Variants in GABRB1 observed in about 807,000 individuals in gnomAD.
The protein encoded by GABRB1 is gamma-aminobutyric acid receptor subunit beta-1.
In GABRB1, 17 loss-of-function variants were observed where a neutral mutation model predicts 51.6. That is an observed-to-expected ratio of 0.33 (90% CI 0.23 to 0.49). The LOEUF (loss-of-function observed/expected upper bound fraction) is 0.49. GABRB1 is among the 20% of genes least tolerant of loss of function. The probability of loss-of-function intolerance (pLI) is 0.99; values close to 1 mark genes in which losing one functional copy is unlikely to be tolerated. For synonymous variants in GABRB1, 247 were observed against 218.9 expected, an observed-to-expected ratio of 1.13 and a Z score of -1.14; for missense variants, 410 against 600.6, an observed-to-expected ratio of 0.68 and a Z score of 3.32.
chr4:47,345,099 C>G (rs1726042032), intron 5 of GABRB1, among the ~76,000 whole-genome samples: 1 of 152,186 alleles, frequency 6.6e-6, no homozygotes, highest in Non-Finnish European at 1.5e-5. Context: ...CTATTAAAAT[C>G]TATGTCTAAT....
chr4:47,032,165 G>C (rs1276543062), intron 2 of GABRB1, among the ~76,000 whole-genome samples, 160 bp downstream of exon 2: 1 of 90,182 alleles, frequency 1.1e-5, no homozygotes, highest in East Asian at 4.0e-4. Context: ...CACACACCCC[G>C]GGTCCCCAGT....
At chr4:47,155,289 C>CAGCT (rs1717640942) in intron 3 of GABRB1, among the ~76,000 whole-genome samples, 1 of 151,990 alleles carries the variant, frequency 6.6e-6, no homozygotes, top group Non-Finnish European at 1.5e-5. Context: ...TCTCAGAGCT[C>CAGCT]AGCTAAACTG....
At chr4:47,328,813 T>C (rs1037905145) in intron 5 of GABRB1, among the ~76,000 whole-genome samples, 6 of 151,896 alleles carry the variant, frequency 4.0e-5, no homozygotes, top group Non-Finnish European at 8.8e-5. Flanking sequence ...ATATACCTAA[T>C]GTTAAATGAC....
At chr4:47,243,291 C>G (rs1301802666) in intron 4 of GABRB1, among the ~76,000 whole-genome samples, 3 of 152,142 alleles carry the variant, frequency 2.0e-5, no homozygotes, top group Non-Finnish European at 2.9e-5. Flanking sequence ...TTACTGTAGG[C>G]TTGTAGTATA....
intron 4 of GABRB1, among the ~76,000 whole-genome samples, chr4:47,221,170 A>C (rs368981296): frequency 1.4e-3 from 210 of 152,052 alleles, no homozygotes; most frequent in Non-Finnish European, 2.4e-3. Flanking sequence ...TACATTTCAA[A>C]GTCATCTTTT....
chr4:47,148,847 G>C (rs1033196839), intron 3 of GABRB1, among the ~76,000 whole-genome samples: 2 of 151,844 alleles, frequency 1.3e-5, no homozygotes, highest in Non-Finnish European at 1.5e-5. Flanking sequence ...ATCTACCCAC[G>C]AACTGAATGT....
chr4:47,209,890 C>T (rs1370792102), intron 4 of GABRB1, among the ~76,000 whole-genome samples: 1 of 151,862 alleles, frequency 6.6e-6, no homozygotes, highest in Non-Finnish European at 1.5e-5. Context: ...TTTCCCTATA[C>T]CCTTTGTAGC....
intron 3 of GABRB1, among the ~76,000 whole-genome samples, chr4:47,131,299 C>T (rs1716402413): frequency 6.6e-6 from 1 of 152,056 alleles, no homozygotes; most frequent in Non-Finnish European, 1.5e-5. Context: ...TCTGGGATTA[C>T]AGGCACGTGC....
At chr4:47,234,521 T>C (rs1025455051) in intron 4 of GABRB1, among the ~76,000 whole-genome samples, 1 of 152,000 alleles carries the variant, frequency 6.6e-6, no homozygotes, top group Admixed American at 6.6e-5. Context: ...TCCCTCAGCT[T>C]CCCCAAGTTA....
chr4:47,233,529 C>T (rs1721221077), intron 4 of GABRB1, among the ~76,000 whole-genome samples: 1 of 152,108 alleles, frequency 6.6e-6, no homozygotes, highest in Non-Finnish European at 1.5e-5. Context: ...TTTCTCATTA[C>T]ATATATGATT....
chr4:47,060,542 A>G (rs1231670542), intron 3 of GABRB1, among the ~76,000 whole-genome samples: 1 of 152,192 alleles, frequency 6.6e-6, no homozygotes, highest in African/African-American at 2.4e-5. Context: ...GCAAATAATT[A>G]TAAAGATAGT....
intron 5 of GABRB1, among the ~76,000 whole-genome samples, chr4:47,380,211 T>G (rs1466569012): frequency 1.3e-5 from 2 of 152,248 alleles, no homozygotes; most frequent in African/African-American, 4.8e-5. Flanking sequence ...TAAAGGTTTA[T>G]TTTATGGAGC....
intron 3 of GABRB1, among the ~76,000 whole-genome samples, chr4:47,158,936 T>C (rs1717818655): frequency 6.6e-6 from 1 of 151,982 alleles, no homozygotes; most frequent in African/African-American, 2.4e-5. Context: ...CTTAATTTTC[T>C]CAATTGATGC....
chr4:47,348,105 A>G (rs1236547240), intron 5 of GABRB1, among the ~76,000 whole-genome samples: 1 of 152,204 alleles, frequency 6.6e-6, no homozygotes, highest in Non-Finnish European at 1.5e-5. Flanking sequence ...CACCTGACAG[A>G]AAAACACAGT....
intron 8 of GABRB1, among the ~76,000 whole-genome samples, chr4:47,411,785 A>T (rs1003528160): frequency 1.3e-5 from 2 of 152,200 alleles, no homozygotes; most frequent in African/African-American, 4.8e-5. Flanking sequence ...AATAGTTTCC[A>T]AATAAAAAGT....
At chr4:47,373,800 A>C (rs1490393880) in intron 5 of GABRB1, among the ~76,000 whole-genome samples, 1 of 152,070 alleles carries the variant, frequency 6.6e-6, no homozygotes, top group Non-Finnish European at 1.5e-5. Context: ...ACACAGATAC[A>C]TAAAATTTGG....
intron 3 of GABRB1, among the ~76,000 whole-genome samples, chr4:47,080,643 T>C (rs1468809509): frequency 6.6e-6 from 1 of 152,222 alleles, no homozygotes; most frequent in Non-Finnish European, 1.5e-5. Context: ...ATTCAAATTC[T>C]TGGGCTCAAG....
In GABRB1 at chr4:47,094,147, G is replaced by A. The variant is rs768750269; in HGVS notation, c.240+61663G>A. Among the ~76,000 whole-genome samples the A allele has an allele frequency of 5.1e-4, 77 of 151,474 alleles. 1 individual carries two copies. The highest frequency in any genetic ancestry group is 2.2e-3 in the Admixed American group (33 of 15,220). On this transcript the variant is annotated intron_variant, in intron 3 of 8. Transcript: ENST00000295454. Reference sequence around the variant, plus strand: ...TCCTTTGGCTATGATTGGAAAAAACGGTAGGGAACAAAAGTTTTTAAACTA... The same window carrying A: ...TCCTTTGGCTATGATTGGAAAAAACAGTAGGGAACAAAAGTTTTTAAACTA...
At chr4:47,294,535 T>G (rs1723887926) in intron 4 of GABRB1, among the ~76,000 whole-genome samples, 1 of 152,164 alleles carries the variant, frequency 6.6e-6, no homozygotes, top group Non-Finnish European at 1.5e-5. Flanking sequence ...AACTGCAAGG[T>G]GGCAGCGAGG....
Sources: allele counts gnomAD v4.1 joint callset (sites outside exome capture counted in the v4.1 genomes callset), GRCh38; gene constraint gnomAD v4.1.1; transcripts MANE v1.5; gene names NCBI Gene and HGNC (gene_info 2026-07-23, HGNC 2026-07-21).